The following C22orf39 variants were observed in gnomAD, a reference collection of about 807,000 sequenced individuals.
C22orf39 encodes synaptic plasticity regulator PANTS.
In C22orf39, 20 loss-of-function variants were observed where a neutral mutation model predicts 18.3. The observed-to-expected ratio is 1.09, with a 90% confidence interval of 0.77 to 1.59. C22orf39 has a LOEUF of 1.59. Ranked by LOEUF, C22orf39 falls within the 40% of genes most tolerant of loss-of-function variation. C22orf39 has a pLI of 0.00. For missense variants in C22orf39, 195 were observed against 156.1 expected (o/e 1.25, Z -1.33); for synonymous variants, 63 against 59.6 (o/e 1.06, Z -0.26).
rs1321403495 is a variant in C22orf39, at chr22:19,441,224, C to A, written c.*3041G>T. On this transcript the variant is annotated 3_prime_UTR_variant, in exon 3 of 3. Transcript: ENST00000399562. Reference sequence around the variant, plus strand: ...CCCCTCACCATCCCTAACCTAAACCCCTGGTAACCTTTAATCTGTTTTCCA... The same window carrying A: ...CCCCTCACCATCCCTAACCTAAACCACTGGTAACCTTTAATCTGTTTTCCA... The A allele has an allele frequency of 6.2e-6, 1 of 162,598 alleles. No homozygotes were observed. Among genetic ancestry groups the A allele is most frequent in the Non-Finnish European group, 1.3e-5 (1 of 74,612 alleles). The allele number at this position is 162,598 out of a possible 1,614,324, so 10.1% of individuals were successfully genotyped here. A position where few individuals can be genotyped will look rare whatever the true frequency, so the allele number is the denominator to read the frequency against.
At position 19,443,033 on chromosome 22, in the gene C22orf39, C is replaced by G. The variant is rs1289966623; in HGVS notation, c.*1232G>C. Reference sequence around the variant, plus strand: ...GTACTCCCCTGATGATGGGGGAACGCTGGCTCCTCTTTAGATGCTCCTGCT... The same window carrying G: ...GTACTCCCCTGATGATGGGGGAACGGTGGCTCCTCTTTAGATGCTCCTGCT... On this transcript the variant is annotated 3_prime_UTR_variant, in exon 3 of 3. Transcript: ENST00000399562. 1.3e-5 allele frequency: 9 copies of G among 702,720 alleles called. No homozygotes were observed. Among genetic ancestry groups the G allele is most frequent in the Non-Finnish European group, 1.6e-5 (9 of 572,262 alleles). 43.5% of individuals were successfully genotyped at this position (702,720 alleles called of 1,614,324 possible).
In C22orf39 at chr22:19,443,324, G is replaced by A; in HGVS notation, c.*941C>T. 3.0e-6 allele frequency: 3 copies of A among 985,460 alleles called. No homozygotes were observed. Among genetic ancestry groups the A allele is most frequent in the Non-Finnish European group, 3.6e-6 (3 of 829,932 alleles). 61.0% of individuals were successfully genotyped at this position (985,460 alleles called of 1,614,324 possible). ...TCACACAACAGGGCCACCATAGGATGAGAAACCATTCTATTAGTAATAAAC... is the reference window on the plus strand; with the variant it reads ...TCACACAACAGGGCCACCATAGGATAAGAAACCATTCTATTAGTAATAAAC... On this transcript the variant is annotated 3_prime_UTR_variant, in exon 3 of 3. Transcript: ENST00000399562.
Position 19,447,669 on chromosome 22 carries a change from CAGCCGCTGCCGT to C in C22orf39, c.8_19del (p.Asp3_Trp7delinsGly). ...GCTCCGACCCAGCACACTCACCTGCCAGCCGCTGCCGTCCGCCATGTCTGGGCGACCGGCGCG... is the reference window on the plus strand; with the variant it reads ...GCTCCGACCCAGCACACTCACCTGCCCCGCCATGTCTGGGCGACCGGCGCG... On this transcript the variant is annotated inframe_deletion, in exon 1 of 3. Transcript: ENST00000399562. 2 of 1,611,182 alleles carry C rather than the reference CAGCCGCTGCCGT, an allele frequency of 1.2e-6. No homozygotes were observed. Among genetic ancestry groups the C allele is most frequent in the Non-Finnish European group, 8.5e-7 (1 of 1,179,004 alleles).
Position 19,447,493 on chromosome 22 carries a change from G to T in C22orf39, c.77C>A (p.Ala26Asp). The T allele has an allele frequency of 6.7e-7, 1 of 1,500,782 alleles. No individual in the cohort carries two copies. Among genetic ancestry groups the T allele is most frequent in the Admixed American group, 2.2e-5 (1 of 45,674 alleles). 93.0% of individuals were successfully genotyped at this position (1,500,782 alleles called of 1,614,324 possible). A position where few individuals can be genotyped will look rare whatever the true frequency, so the allele number is the denominator to read the frequency against. ...YRAEWKLCRS[A>D]RHFLHHYYVH... ...GTAGTAGTGGTGTAGGAAGTGCCTG[G>T]CGCTGCGGCAGAGCTTCCACTCGGC... Residue 26 changes from alanine (A) to aspartate (D), a missense_variant, in exon 2 of 3, where the codon GCC becomes GAC. Ala to Asp is a moderately radical substitution (Grantham distance 126, BLOSUM62 -2). Coordinates refer to ENST00000399562, the MANE Select transcript of C22orf39 (RefSeq NM_173793.5).
rs746610227 is a variant in C22orf39 at position 19,447,543 on chromosome 22, C to T, written c.27G>A (p.Pro9=). Residue 9 remains proline, a splice_region_variant and synonymous_variant, in exon 2 of 3, where the codon CCG becomes CCA. Transcript: ENST00000399562. ...CGCGGTAGGCCTCGCAGGGGCGCGG[C>T]GGCTGCGGCGAGAGGCGGCGCCTGA... MADGSGWQ[P]PRPCEAYRAE... is the part of the protein sequence containing the mutation. 16 of 1,430,360 alleles carry T rather than the reference C, an allele frequency of 1.1e-5. No homozygotes were observed. The Admixed American group carries it at 4.6e-4, about 41-fold the overall frequency. The allele number at this position is 1,430,360 out of a possible 1,614,324, so 88.6% of individuals were successfully genotyped here.
Position 19,441,685 on chromosome 22 carries a change from C to T in C22orf39, c.*2580G>A, listed in dbSNP as rs1177914404. On this transcript the variant is annotated 3_prime_UTR_variant, in exon 3 of 3. Transcript: ENST00000399562. ...CTGAGATTACAGGTGTGAGCCACCA[C>T]ACTTAGCACCTGTCCAAAAAGTTTG... is the stretch of plus-strand genomic sequence containing the variant. The T allele has an allele frequency of 1.3e-6, 2 of 1,546,840 alleles. No individual in the cohort carries two copies. The highest frequency in any genetic ancestry group is 1.4e-5 in the African/African-American group (1 of 72,940).
rs762962593 is a variant in C22orf39, at chr22:19,447,568, A to C, written c.25-23T>G. On this transcript the variant is annotated intron_variant, in intron 1 of 2. Transcript: ENST00000399562. ...CGGCTGCGGCGAGAGGCGGCGCCTGAGCGGGGCCCGGCGGCCGCGCCCTAC... is the reference window on the plus strand; with the variant it reads ...CGGCTGCGGCGAGAGGCGGCGCCTGCGCGGGGCCCGGCGGCCGCGCCCTAC... The C allele has an allele frequency of 2.6e-5, 36 of 1,406,914 alleles. No homozygotes were observed. In the South Asian group the frequency reaches 5.0e-4, roughly 19 times the overall value. 87.2% of individuals were successfully genotyped at this position (1,406,914 alleles called of 1,614,324 possible).
At position 19,441,779 on chromosome 22, in the gene C22orf39, G is replaced by A. The variant is rs1156807741; in HGVS notation, c.*2486C>T. ...CACCATAAAATACCAAACTGCTTCA[G>A]AAATTACCACCATTTTATTTTTATT... On this transcript the variant is annotated 3_prime_UTR_variant, in exon 3 of 3. Transcript: ENST00000399562. The A allele has an allele frequency of 6.8e-7, 1 of 1,464,188 alleles. No homozygotes were observed. Among genetic ancestry groups the A allele is most frequent in the African/African-American group, 1.4e-5 (1 of 69,686 alleles). The allele number at this position is 1,464,188 out of a possible 1,614,324, so 90.7% of individuals were successfully genotyped here. A position where few individuals can be genotyped will look rare whatever the true frequency, so the allele number is the denominator to read the frequency against.
Position 19,447,672 on chromosome 22 carries a change from C to G in C22orf39, c.17G>C (p.Gly6Ala). The change falls in exon 1 of 3, where the codon GGC becomes GCC. Residue 6 changes from glycine to alanine, a missense_variant. By Grantham distance (60) the Gly-to-Ala change is moderately conservative. Transcript: ENST00000399562. MADGS[G>A]WQPPRPCEAY... ...CCGACCCAGCACACTCACCTGCCAGCCGCTGCCGTCCGCCATGTCTGGGCG... is the reference window on the plus strand; with the variant it reads ...CCGACCCAGCACACTCACCTGCCAGGCGCTGCCGTCCGCCATGTCTGGGCG... The G allele has an allele frequency of 6.2e-7, 1 of 1,610,932 alleles. No homozygotes were observed. Among genetic ancestry groups the G allele is most frequent in the Non-Finnish European group, 8.5e-7 (1 of 1,178,912 alleles).
rs1234280178 is a variant in C22orf39 at position 19,443,874 on chromosome 22, G to A, written c.*391C>T. 16 of 995,378 alleles carry A rather than the reference G, an allele frequency of 1.6e-5. No homozygotes were observed. Among genetic ancestry groups the A allele is most frequent in the Middle Eastern group, 5.1e-4 (1 of 1,970 alleles). 61.7% of individuals were successfully genotyped at this position (995,378 alleles called of 1,614,324 possible). A position where few individuals can be genotyped will look rare whatever the true frequency, so the allele number is the denominator to read the frequency against. Reference sequence around the variant, plus strand: ...GAAAGACATTCACAGTGGCACAACTGTTTAGCTACCTCATTATGACCCACC... The same window carrying A: ...GAAAGACATTCACAGTGGCACAACTATTTAGCTACCTCATTATGACCCACC... On this transcript the variant is annotated 3_prime_UTR_variant, in exon 3 of 3. Coordinates refer to ENST00000399562, the MANE Select transcript of C22orf39 (RefSeq NM_173793.5).
rs906029518 is a variant in C22orf39 at position 19,441,033 on chromosome 22, T to C, written c.*3232A>G. 3.3e-5 allele frequency: 5 copies of C among 152,434 alleles called. No homozygotes were observed. The highest frequency in any genetic ancestry group is 2.1e-4 in the South Asian group (1 of 4,822). The allele number at this position is 152,434 out of a possible 1,614,324, so 9.4% of individuals were successfully genotyped here. ...ACAGCACAGCATCAGGACGCAGAAA[T>C]TGACATTGGTACAGTCTACAGAACA... On this transcript the variant is annotated 3_prime_UTR_variant, in exon 3 of 3. Coordinates refer to ENST00000399562, the MANE Select transcript of C22orf39 (RefSeq NM_173793.5).
At chr22:19,446,473 T>C (rs1403159921) in intron 2 of C22orf39, among the ~76,000 whole-genome samples, 3 of 152,194 alleles carry the variant, frequency 2.0e-5, no homozygotes, top group Non-Finnish European at 2.9e-5. Flanking sequence ...GGCTGGCTTC[T>C]CTCCATCTCC....
rs2089627172 is a variant in C22orf39 at position 19,444,004 on chromosome 22, A to AC, written c.*260dup. 2.5e-6 allele frequency: 3 copies of AC among 1,218,700 alleles called. No homozygotes were observed. In the South Asian group the frequency reaches 8.7e-5, roughly 35 times the overall value. 75.5% of individuals were successfully genotyped at this position (1,218,700 alleles called of 1,614,324 possible). On this transcript the variant is annotated 3_prime_UTR_variant, in exon 3 of 3. Coordinates refer to ENST00000399562, the MANE Select transcript of C22orf39 (RefSeq NM_173793.5). ...CATGCCCAGCCTGACCTGGCTGCTC[A>AC]CAAGTACCTGCCATAATGCTTGGCC...
Position 19,441,821 on chromosome 22 carries a change from A to G in C22orf39, c.*2444T>C. 1 of 1,296,326 alleles carries G rather than the reference A, an allele frequency of 7.7e-7. No homozygotes were observed. Among genetic ancestry groups the G allele is most frequent in the South Asian group, 1.5e-5 (1 of 65,198 alleles). 80.3% of individuals were successfully genotyped at this position (1,296,326 alleles called of 1,614,324 possible). A position where few individuals can be genotyped will look rare whatever the true frequency, so the allele number is the denominator to read the frequency against. On this transcript the variant is annotated 3_prime_UTR_variant, in exon 3 of 3. Transcript: ENST00000399562. ...ATTTTTATTTATTTTGAGACAGGAT[A>G]TTGCTCTGTCACCCAGGTTGAAGTG...
At position 19,443,663 on chromosome 22, in the gene C22orf39, CAG is replaced by C. The variant is rs930019481; in HGVS notation, c.*600_*601del. 2.0e-6 allele frequency: 2 copies of C among 984,864 alleles called. No homozygotes were observed. The highest frequency in any genetic ancestry group is 1.8e-5 in the African/African-American group (1 of 57,060). The allele number at this position is 984,864 out of a possible 1,614,324, so 61.0% of individuals were successfully genotyped here. A position where few individuals can be genotyped will look rare whatever the true frequency, so the allele number is the denominator to read the frequency against. Reference sequence around the variant, plus strand: ...GTAGCTGTGTGCATTTCTTAAAAACCAGAGTCTCCAGGGGCCGACCTGGGAGC... The same window carrying C: ...GTAGCTGTGTGCATTTCTTAAAAACCAGTCTCCAGGGGCCGACCTGGGAGC... On this transcript the variant is annotated 3_prime_UTR_variant, in exon 3 of 3. Coordinates refer to ENST00000399562, the MANE Select transcript of C22orf39 (RefSeq NM_173793.5).
At chr22:19,447,318 T>TG in intron 2 of C22orf39, 60 bp downstream of exon 2, 1 of 1,381,416 alleles carries the variant, frequency 7.2e-7, no homozygotes, top group Non-Finnish European at 9.3e-7. Context: ...CGTGGAGGGG[T>TG]GGGGAAAGCT....
intron 2 of C22orf39, among the ~76,000 whole-genome samples, chr22:19,446,055 G>A (rs1338068242): frequency 6.6e-6 from 1 of 152,052 alleles, no homozygotes; most frequent in Non-Finnish European, 1.5e-5. Flanking sequence ...GGGCTCAAGC[G>A]ATCCCCTTGC....
intron 2 of C22orf39, among the ~76,000 whole-genome samples, chr22:19,446,944 C>A (rs2089643491): frequency 6.6e-6 from 1 of 152,194 alleles, no homozygotes; most frequent in African/African-American, 2.4e-5. Flanking sequence ...AACTCCGTAT[C>A]AAAAGGCCCG....
chr22:19,447,566 T>C lies in C22orf39; in HGVS notation c.25-21A>G, dbSNP rs1269589288. ...GGCGGCTGCGGCGAGAGGCGGCGCC[T>C]GAGCGGGGCCCGGCGGCCGCGCCCT... On this transcript the variant is annotated intron_variant, in intron 1 of 2. Transcript: ENST00000399562. 4.3e-6 allele frequency: 6 copies of C among 1,407,000 alleles called. No homozygotes were observed. In the South Asian group the frequency reaches 8.0e-5, roughly 19 times the overall value. 87.2% of individuals were successfully genotyped at this position (1,407,000 alleles called of 1,614,324 possible).
Sources: gnomAD v4.1 joint callset for allele counts (sites outside exome capture counted in the v4.1 genomes callset) on GRCh38, gnomAD v4.1.1 for gene constraint, MANE v1.5 for transcripts, NCBI Gene and HGNC (gene_info 2026-07-23, HGNC 2026-07-21) for gene names.